The following PXK variants were observed in gnomAD, a reference collection of about 807,000 sequenced individuals.
The protein encoded by PXK is PX domain-containing protein kinase-like protein.
PXK carries 35 observed loss-of-function variants against 84.7 expected under a neutral mutation model. The ratio of observed to expected loss-of-function variants is 0.41; its 90% CI spans 0.32 to 0.55. PXK has a LOEUF of 0.55. Among genes scored for constraint, PXK ranks in the 20% least tolerant of loss-of-function variants. The probability of loss-of-function intolerance (pLI) is 0.21; values close to 1 mark genes in which losing one functional copy is unlikely to be tolerated. For synonymous variants in PXK, 253 were observed against 260.8 expected (o/e 0.97, Z 0.29); for missense variants, 634 against 699.7 (o/e 0.91, Z 1.06).
intron 17 of PXK, among the ~76,000 whole-genome samples, chr3:58,419,724 T>C (rs2061530908): frequency 6.6e-6 from 1 of 152,208 alleles, no homozygotes; most frequent in Non-Finnish European, 1.5e-5. Flanking sequence ...CTGAGAAGGC[T>C]GGAGGGCCTC....
chr3:58,338,843 C>G (rs533323863), intron 1 of PXK, among the ~76,000 whole-genome samples: 2 of 151,766 alleles, frequency 1.3e-5, no homozygotes, highest in South Asian at 2.1e-4. Context: ...CCACCACACC[C>G]GGCTAATTTT....
intron 1 of PXK, among the ~76,000 whole-genome samples, chr3:58,345,857 C>A (rs767554539): frequency 1.3e-5 from 2 of 152,130 alleles, no homozygotes; most frequent in Admixed American, 1.3e-4. Flanking sequence ...CGTATATATC[C>A]TGAAACACCT....
In PXK at chr3:58,399,710, G is replaced by A. The variant is rs2058274459; in HGVS notation, c.1181+333G>A. Among the ~76,000 whole-genome samples the A allele has an allele frequency of 6.6e-6, 1 of 152,106 alleles. No individual in the cohort carries two copies. Among genetic ancestry groups the A allele is most frequent in the African/African-American group, 2.4e-5 (1 of 41,396 alleles). ...AAATACTGAAGGAGGGCCCTCTCAA[G>A]TGGCTCCTTTCTGACCCTGCATCAG... On this transcript the variant is annotated intron_variant, in intron 12 of 17. Coordinates refer to ENST00000356151, the MANE Select transcript of PXK (RefSeq NM_017771.5). This position sits in a 1 kb window ranked among gnomAD's most constrained non-coding sequence, Gnocchi z 4.3.
Position 58,332,934 on chromosome 3 carries a change from G to C in PXK, c.-55G>C. The C allele has an allele frequency of 1.7e-6, 2 of 1,166,580 alleles. No homozygotes were observed. The highest frequency in any genetic ancestry group is 2.0e-5 in the South Asian group (1 of 49,900). The allele number at this position is 1,166,580 out of a possible 1,614,324, so 72.3% of individuals were successfully genotyped here. On this transcript the variant is annotated 5_prime_UTR_variant, in exon 1 of 18. Transcript: ENST00000356151. The surrounding 1 kb of genome is among the most constrained non-coding windows in gnomAD (Gnocchi z 5.6). ...TGGAACCGGGCGGGCGGCGGGAGTCGGCGCCTCGGGTTCCTACCTCGCGTC... is the reference window on the plus strand; with the variant it reads ...TGGAACCGGGCGGGCGGCGGGAGTCCGCGCCTCGGGTTCCTACCTCGCGTC...
chr3:58,333,247 T>C lies in PXK; in HGVS notation c.102+157T>C, dbSNP rs1185253381. ...GAAGGCTGTGGCGCGCCGCTGGGTCTGGGTCAGGGCCCCTGGGGCCCAGGC... is the reference window on the plus strand; with the variant it reads ...GAAGGCTGTGGCGCGCCGCTGGGTCCGGGTCAGGGCCCCTGGGGCCCAGGC... On this transcript the variant is annotated intron_variant, in intron 1 of 17. Coordinates refer to ENST00000356151, the MANE Select transcript of PXK (RefSeq NM_017771.5). This position sits in a 1 kb window ranked among gnomAD's most constrained non-coding sequence, Gnocchi z 5.4. 2.8e-5 allele frequency: 9 copies of C among 322,148 alleles called. No homozygotes were observed. The highest frequency in any genetic ancestry group is 3.7e-5 in the Non-Finnish European group (8 of 216,516). The allele number at this position is 322,148 out of a possible 1,614,324, so 20.0% of individuals were successfully genotyped here. A position where few individuals can be genotyped will look rare whatever the true frequency, so the allele number is the denominator to read the frequency against.
At chr3:58,369,506 A>C (rs779753940) in intron 3 of PXK, 28 bp downstream of exon 3, 1 of 1,574,536 alleles carries the variant, frequency 6.4e-7, no homozygotes, top group South Asian at 1.1e-5. Context: ...CTAATTACAC[A>C]CATTGATTAC....
At chr3:58,420,040 A>T (rs778462742) in intron 17 of PXK, among the ~76,000 whole-genome samples, 1 of 152,206 alleles carries the variant, frequency 6.6e-6, no homozygotes, top group Non-Finnish European at 1.5e-5. Context: ...ACTCCTCCCA[A>T]CTTTAAAGAG....
At chr3:58,387,602 G>A (rs2098566769) in intron 4 of PXK, among the ~76,000 whole-genome samples, 1 of 152,178 alleles carries the variant, frequency 6.6e-6, no homozygotes, top group African/African-American at 2.4e-5. Flanking sequence ...GGAGATCTGA[G>A]GGGTGAGTAG....
In PXK at chr3:58,395,674, C is replaced by A. The variant is rs1276981363; in HGVS notation, c.737C>A (p.Pro246Gln). The A allele has an allele frequency of 2.5e-6, 4 of 1,612,968 alleles. No homozygotes were observed. The African/African-American group carries it at 5.3e-5, about 22-fold the overall frequency. Residue 246 changes from proline (P) to glutamine (Q), a missense_variant, in exon 9 of 18, where the codon CCA becomes CAA. By Grantham distance (76) the Pro-to-Gln change is moderately conservative (BLOSUM62 -1). Coordinates refer to ENST00000356151, the MANE Select transcript of PXK (RefSeq NM_017771.5). ...DLIYKAKPKD[P>Q]FLKKYCNPKK... ...TTTCCAAAGGCAAAACCAAAAGACC[C>A]ATTTCTAAAGAAGTACTGCAACCCT...
chr3:58,357,688 T>C (rs1471517521), intron 1 of PXK, among the ~76,000 whole-genome samples: 1 of 152,120 alleles, frequency 6.6e-6, no homozygotes, highest in Non-Finnish European at 1.5e-5. Flanking sequence ...CTGACACCTA[T>C]ATGTAATCCT....
rs2062663066 is a variant in PXK, at chr3:58,425,178, T to TTAA, written c.*219_*221dup. The TTAA allele has an allele frequency of 1.5e-6, 1 of 652,318 alleles. No homozygotes were observed. Among genetic ancestry groups the TTAA allele is most frequent in the Non-Finnish European group, 2.5e-6 (1 of 400,142 alleles). The allele number at this position is 652,318 out of a possible 1,614,324, so 40.4% of individuals were successfully genotyped here. A position where few individuals can be genotyped will look rare whatever the true frequency, so the allele number is the denominator to read the frequency against. ...GCTCCCTTAAGATCTTGCTCCTTTA[T>TTAA]TAACCCTGTAAAGGAGTCTTGTTTA... On this transcript the variant is annotated 3_prime_UTR_variant, in exon 18 of 18. Coordinates refer to ENST00000356151, the MANE Select transcript of PXK (RefSeq NM_017771.5).
intron 7 of PXK, among the ~76,000 whole-genome samples, chr3:58,393,396 A>C (rs11130634): frequency 0.29 from 44,494 of 151,984 alleles, 7,251 homozygotes; most frequent in Middle Eastern, 0.39. Flanking sequence ...TCCCAGTCAA[A>C]CAGAAGTATG....
chr3:58,365,681 A>G (rs1410894116), intron 1 of PXK, among the ~76,000 whole-genome samples, 193 bp from the exon 2 acceptor site: 3 of 152,184 alleles, frequency 2.0e-5, no homozygotes, highest in African/African-American at 4.8e-5. Flanking sequence ...ATGCATATAC[A>G]TTGAGGATTG....
chr3:58,410,224 G>T, intron 16 of PXK, 65 bp downstream of exon 16: 1 of 1,253,378 alleles, frequency 8.0e-7, no homozygotes, highest in African/African-American at 1.5e-5. Context: ...TCTCTAGTTG[G>T]TCAAGAGGTC....
At chr3:58,346,984 G>A (rs918162772) in intron 1 of PXK, among the ~76,000 whole-genome samples, 4 of 152,082 alleles carry the variant, frequency 2.6e-5, no homozygotes, top group Non-Finnish European at 5.9e-5. Flanking sequence ...GACTACAGGC[G>A]CGTGCCACCA....
rs181388949 is a variant in PXK, at chr3:58,364,498, G to C, written c.103-1376G>C. Among the ~76,000 whole-genome samples the C allele has an allele frequency of 2.2e-3, 329 of 152,238 alleles. 4 individuals are homozygous for C. Among genetic ancestry groups the C allele is most frequent in the Admixed American group, 0.019 (290 of 15,280 alleles). On this transcript the variant is annotated intron_variant, in intron 1 of 17. Transcript: ENST00000356151. This position sits in a 1 kb window ranked among gnomAD's most constrained non-coding sequence, Gnocchi z 4.3. ...AGGCCGAGGTGGGCGGATTACTTGAGGTCAGGAGTTCGAGACCAGCTGGGC... is the reference window on the plus strand; with the variant it reads ...AGGCCGAGGTGGGCGGATTACTTGACGTCAGGAGTTCGAGACCAGCTGGGC...
chr3:58,422,623 T>G (rs1328070556), intron 17 of PXK: 2 of 985,314 alleles, frequency 2.0e-6, no homozygotes, highest in African/African-American at 3.5e-5. Flanking sequence ...TCCCAAACTC[T>G]GCGGTGGTGC....
intron 3 of PXK, among the ~76,000 whole-genome samples, chr3:58,373,694 C>T (rs2098408723): frequency 6.6e-6 from 1 of 152,078 alleles, no homozygotes; most frequent in Non-Finnish European, 1.5e-5. Flanking sequence ...CTGTCTTAGC[C>T]CAGGGCCTTT....
chr3:58,415,931 G>A (rs1302426624), intron 17 of PXK, among the ~76,000 whole-genome samples: 2 of 152,196 alleles, frequency 1.3e-5, no homozygotes, highest in Non-Finnish European at 2.9e-5. Context: ...GGTGCTCACA[G>A]GTAGATTCAG....
Sources: allele counts gnomAD v4.1 joint callset (sites outside exome capture counted in the v4.1 genomes callset), GRCh38; gene constraint gnomAD v4.1.1; non-coding constraint Gnocchi (gnomAD v3.1); transcripts MANE v1.5; gene names NCBI Gene and HGNC (gene_info 2026-07-23, HGNC 2026-07-21).